The following SLC16A8 variants were observed in gnomAD, a reference collection of about 807,000 sequenced individuals.
SLC16A8 encodes monocarboxylate transporter 3.
SLC16A8 carries 20 observed loss-of-function variants against 22.4 expected under a neutral mutation model. That is an observed-to-expected ratio of 0.89 (90% CI 0.63 to 1.30). The LOEUF (loss-of-function observed/expected upper bound fraction) is 1.30. SLC16A8 is among the 50% of genes most tolerant of loss of function. The pLI is 0.00. For missense variants in SLC16A8, 817 were observed against 740.3 expected, an observed-to-expected ratio of 1.10 and a Z score of -1.20; for synonymous variants, 393 against 358.8, an observed-to-expected ratio of 1.10 and a Z score of -1.08.
At position 38,081,479 on chromosome 22, in the gene SLC16A8, A is replaced by C; in HGVS notation, c.559T>G (p.Cys187Gly). The C allele has an allele frequency of 2.9e-6, 4 of 1,356,792 alleles. No homozygotes were observed. In the South Asian group the frequency reaches 7.4e-5, roughly 25 times the overall value. The allele number at this position is 1,356,792 out of a possible 1,614,324, so 84.0% of individuals were successfully genotyped here. A position where few individuals can be genotyped will look rare whatever the true frequency, so the allele number is the denominator to read the frequency against. ...CTCATGACAGCCCCGCAGGCGCAGC[A>C]GTGCAGCAGGAGCCCGCCGAGCAGC... ...FLLLGGLLLH[C>G]CACGAVMRPP... Residue 187 changes from cysteine (C) to glycine (G), a missense_variant, in exon 5 of 6, where the codon TGC becomes GGC. Transcript: ENST00000681075.
rs753951617 is a variant in SLC16A8 at position 38,080,821 on chromosome 22, C to G, written c.1198+19G>C. ...TAAGGGGCACTAGGCTCGCCACCCC[C>G]TCTTCCTTCGGGGCGCACCGGCAGA... On this transcript the variant is annotated intron_variant, in intron 5 of 5. Coordinates refer to ENST00000681075, the MANE Select transcript of SLC16A8 (RefSeq NM_013356.3). 12 of 1,471,922 alleles carry G rather than the reference C, an allele frequency of 8.2e-6. No homozygotes were observed. Among genetic ancestry groups the G allele is most frequent in the South Asian group, 1.4e-5 (1 of 73,092 alleles). The allele number at this position is 1,471,922 out of a possible 1,614,324, so 91.2% of individuals were successfully genotyped here.
intron 5 of SLC16A8, among the ~76,000 whole-genome samples, chr22:38,080,198 T>TC (rs66715445): frequency 0.045 from 6,905 of 151,840 alleles, 466 homozygotes; most frequent in African/African-American, 0.15. Flanking sequence ...AGGACGCTGT[T>TC]CCCCCCCAAC....
Position 38,078,301 on chromosome 22 carries a change from C to A in SLC16A8, c.*87G>T. On this transcript the variant is annotated 3_prime_UTR_variant, in exon 6 of 6. Transcript: ENST00000681075. ...ACGTGGACCCCGGGAGTGACCACCC[C>A]AGACCAGCCTCCCAGCGTACCAGGC... 7.3e-7 allele frequency: 1 copy of A among 1,365,398 alleles called. No individual in the cohort carries two copies. The allele number at this position is 1,365,398 out of a possible 1,614,324, so 84.6% of individuals were successfully genotyped here.
intron 2 of SLC16A8, 32 bp from the exon 3 acceptor site, chr22:38,082,913 G>A (rs997973417): frequency 1.6e-6 from 2 of 1,267,144 alleles, no homozygotes; most frequent in South Asian, 2.7e-5. Context: ...AAGAGGGAGG[G>A]GCTGGGCCAG....
chr22:38,081,579 G>A lies in SLC16A8; in HGVS notation c.459C>T (p.Ser153=), dbSNP rs1167772284. The A allele has an allele frequency of 6.6e-7, 1 of 1,512,636 alleles. No individual in the cohort carries two copies. The highest frequency in any genetic ancestry group is 1.2e-5 in the South Asian group (1 of 81,936). 93.7% of individuals were successfully genotyped at this position (1,512,636 alleles called of 1,614,324 possible). The change falls in exon 5 of 6, where the codon AGC becomes AGT. Residue 153 remains serine, a synonymous_variant. Transcript: ENST00000681075. ...PLANGLAAAG[S]PVFLSALSPL... The stretch of plus-strand genomic sequence containing the variant: ...GCGACAGCGCGGACAGGAACACGGG[G>A]CTGCCCGCCGCCGCCAGCCCGTTGG...
intron 5 of SLC16A8, among the ~76,000 whole-genome samples, 168 bp downstream of exon 5, chr22:38,080,672 A>G (rs1290278092): frequency 6.6e-6 from 1 of 152,182 alleles, no homozygotes; most frequent in African/African-American, 2.4e-5. Context: ...CCTCACCCAG[A>G]GCGGGCGGTC....
Position 38,081,900 on chromosome 22 carries a change from C to G in SLC16A8, c.347G>C (p.Gly116Ala). ...TRLLELYLTA[G>A]VLTGLGLALN... ...CAGGGGGCCCTCACCTGTGAGCACC[C>G]CAGCGGTCAGGTAGAGCTCCAGGAG... Residue 116 changes from glycine (G) to alanine (A), a missense_variant, in exon 4 of 6, where the codon GGG becomes GCG. Coordinates refer to ENST00000681075, the MANE Select transcript of SLC16A8 (RefSeq NM_013356.3). 6.3e-7 allele frequency: 1 copy of G among 1,593,034 alleles called. No individual in the cohort carries two copies. The highest frequency in any genetic ancestry group is 8.5e-7 in the Non-Finnish European group (1 of 1,170,484).
chr22:38,081,011 AGGAGCGCG>A lies in SLC16A8; in HGVS notation c.1019_1026del (p.Ala340ValfsTer68). The A allele has an allele frequency of 6.3e-7, 1 of 1,598,060 alleles. No homozygotes were observed. Among genetic ancestry groups the A allele is most frequent in the Non-Finnish European group, 8.5e-7 (1 of 1,177,790 alleles). On this transcript the variant is annotated frameshift_variant, in exon 5 of 6. Transcript: ENST00000681075. LOFTEE classifies it high-confidence loss of function. ...ACGCAGAAGGCGACGAGGGCGCCGTAGGAGCGCGCGCGTGCGCTGCTCAGGTCTGTGAG... is the reference window on the plus strand; with the variant it reads ...ACGCAGAAGGCGACGAGGGCGCCGTACGCGTGCGCTGCTCAGGTCTGTGAG...
intron 4 of SLC16A8, 70 bp downstream of exon 4, chr22:38,081,819 C>G (rs1456680235): frequency 6.6e-7 from 1 of 1,518,404 alleles, no homozygotes; most frequent in Non-Finnish European, 8.8e-7. Context: ...CATAGGGAAA[C>G]CGAGGACAGA....
Position 38,081,473 on chromosome 22 carries a change from CGCAGCAGT to C in SLC16A8, c.557_564del (p.His186ArgfsTer35), listed in dbSNP as rs1201622435. The C allele has an allele frequency of 1.5e-6, 2 of 1,343,752 alleles. No individual in the cohort carries two copies. The highest frequency in any genetic ancestry group is 1.9e-6 in the Non-Finnish European group (2 of 1,057,636). The allele number at this position is 1,343,752 out of a possible 1,614,324, so 83.2% of individuals were successfully genotyped here. ...GGCGGCCTCATGACAGCCCCGCAGG[CGCAGCAGT>C]GCAGCAGGAGCCCGCCGAGCAGCAG... On this transcript the variant is annotated frameshift_variant, in exon 5 of 6. Transcript: ENST00000681075. LOFTEE classifies it high-confidence loss of function.
Position 38,081,586 on chromosome 22 carries a change from G to A in SLC16A8, c.452C>T (p.Ala151Val). 3 of 1,511,964 alleles carry A rather than the reference G, an allele frequency of 2.0e-6. No homozygotes were observed. Among genetic ancestry groups the A allele is most frequent in the Non-Finnish European group, 2.6e-6 (3 of 1,137,824 alleles). 93.7% of individuals were successfully genotyped at this position (1,511,964 alleles called of 1,614,324 possible). ...RRPLANGLAA[A>V]GSPVFLSALS... ...CGCGGACAGGAACACGGGGCTGCCCGCCGCCGCCAGCCCGTTGGCCAGAGG... is the reference window on the plus strand; with the variant it reads ...CGCGGACAGGAACACGGGGCTGCCCACCGCCGCCAGCCCGTTGGCCAGAGG... The change falls in exon 5 of 6, where the codon GCG (alanine) becomes GTG (valine). Residue 151 changes from alanine to valine, a missense_variant. Physicochemically the swap from Ala to Val is moderately conservative, Grantham distance 64. Transcript: ENST00000681075.
intron 1 of SLC16A8, among the ~76,000 whole-genome samples, chr22:38,083,773 G>A (rs990560690): frequency 1.3e-4 from 12 of 89,616 alleles, no homozygotes; most frequent in African/African-American, 2.6e-4. Context: ...GGTGCACCAG[G>A]AGCCGGGGGC....
chr22:38,081,480 G>A lies in SLC16A8; in HGVS notation c.558C>T (p.His186=). 2.2e-6 allele frequency: 3 copies of A among 1,391,700 alleles called. No homozygotes were observed. The highest frequency in any genetic ancestry group is 2.8e-6 in the Non-Finnish European group (3 of 1,086,080). 86.2% of individuals were successfully genotyped at this position (1,391,700 alleles called of 1,614,324 possible). A position where few individuals can be genotyped will look rare whatever the true frequency, so the allele number is the denominator to read the frequency against. Residue 186 remains histidine (H), a synonymous_variant, in exon 5 of 6, where the codon CAC becomes CAT. Transcript: ENST00000681075. ...TCATGACAGCCCCGCAGGCGCAGCA[G>A]TGCAGCAGGAGCCCGCCGAGCAGCA... ...GFLLLGGLLL[H]CCACGAVMRP...
At position 38,082,720 on chromosome 22, in the gene SLC16A8, C is replaced by A. The variant is rs1332378841; in HGVS notation, c.154G>T (p.Ala52Ser). ...FFRALMRDFD[A>S]GYSDTAWVSS... is the part of the protein sequence containing the mutation. ...ACCCAGGCCGTGTCGCTGTAGCCGG[C>A]GTCGAAGTCGCGCATGAGCGCGCGG... The change falls in exon 3 of 6, where the codon GCC becomes TCC. Residue 52 changes from alanine to serine, a missense_variant. Physicochemically the swap from Ala to Ser is moderately conservative, Grantham distance 99 (BLOSUM62 1). Coordinates refer to ENST00000681075, the MANE Select transcript of SLC16A8 (RefSeq NM_013356.3). The A allele has an allele frequency of 6.3e-7, 1 of 1,591,412 alleles. No individual in the cohort carries two copies.
Position 38,083,214 on chromosome 22 carries a change from G to A in SLC16A8, c.-181C>T. On this transcript the variant is annotated 5_prime_UTR_variant, in exon 2 of 6. Coordinates refer to ENST00000681075, the MANE Select transcript of SLC16A8 (RefSeq NM_013356.3). ...GTATGTGCCTGGAGGTGGGCGTCCA[G>A]CACCAAAGTCGCCCCGTACGCGTGA... The A allele has an allele frequency of 3.0e-6, 1 of 332,202 alleles. No homozygotes were observed. Among genetic ancestry groups the A allele is most frequent in the Non-Finnish European group, 5.5e-6 (1 of 180,220 alleles). 20.6% of individuals were successfully genotyped at this position (332,202 alleles called of 1,614,324 possible). A position where few individuals can be genotyped will look rare whatever the true frequency, so the allele number is the denominator to read the frequency against.
chr22:38,083,296 G>T lies in SLC16A8; in HGVS notation c.-263C>A, dbSNP rs984818646. 1 of 195,798 alleles carries T rather than the reference G, an allele frequency of 5.1e-6. No homozygotes were observed. The highest frequency in any genetic ancestry group is 2.3e-5 in the African/African-American group (1 of 42,878). 12.1% of individuals were successfully genotyped at this position (195,798 alleles called of 1,614,324 possible). A position where few individuals can be genotyped will look rare whatever the true frequency, so the allele number is the denominator to read the frequency against. ...GGGCAGATGCCGGCTGCAAAGGGCCGCTGTGCGTGATTTTCCTCTTTAGCC... is the reference window on the plus strand; with the variant it reads ...GGGCAGATGCCGGCTGCAAAGGGCCTCTGTGCGTGATTTTCCTCTTTAGCC... On this transcript the variant is annotated 5_prime_UTR_variant, in exon 2 of 6. Transcript: ENST00000681075.
Position 38,078,570 on chromosome 22 carries a change from G to A in SLC16A8, c.1333C>T (p.Pro445Ser), listed in dbSNP as rs1049188249. 1 of 1,614,158 alleles carries A rather than the reference G, an allele frequency of 6.2e-7. No homozygotes were observed. The highest frequency in any genetic ancestry group is 1.1e-5 in the South Asian group (1 of 91,080). ...TCACTGGCTCCGCCCTCAGTGCCTG[G>A]GCCTGACGGGGCAGCTTTAGCACAA... Reference protein sequence around the residue: ...LRCAKAAPSGPGTEGGASDTE... With the variant: ...LRCAKAAPSGSGTEGGASDTE... The change falls in exon 6 of 6, where the codon CCA (proline) becomes TCA (serine). Residue 445 changes from proline (P) to serine (S), a missense_variant. Pro to Ser is a moderately conservative substitution (Grantham distance 74). Coordinates refer to ENST00000681075, the MANE Select transcript of SLC16A8 (RefSeq NM_013356.3).
chr22:38,080,828 T>C lies in SLC16A8; in HGVS notation c.1198+12A>G. On this transcript the variant is annotated intron_variant, in intron 5 of 5. Transcript: ENST00000681075. ...CACTAGGCTCGCCACCCCCTCTTCCTTCGGGGCGCACCGGCAGAGGGCGGT... is the reference window on the plus strand; with the variant it reads ...CACTAGGCTCGCCACCCCCTCTTCCCTCGGGGCGCACCGGCAGAGGGCGGT... 6.8e-7 allele frequency: 1 copy of C among 1,479,162 alleles called. No homozygotes were observed. 91.6% of individuals were successfully genotyped at this position (1,479,162 alleles called of 1,614,324 possible).
chr22:38,082,013 G>A lies in SLC16A8; in HGVS notation c.234C>T (p.Leu78=). Residue 78 remains leucine (L), a synonymous_variant, in exon 4 of 6, where the codon CTC becomes CTT. Coordinates refer to ENST00000681075, the MANE Select transcript of SLC16A8 (RefSeq NM_013356.3). ...LYGTGPVSSI[L]VTRFGCRPVM... ...CCGGGCGACAGCCAAAGCGGGTCAC[G>A]AGGATGCTGGACACGGGGCCTGTGG... The A allele has an allele frequency of 6.3e-7, 1 of 1,578,816 alleles. No individual in the cohort carries two copies. Among genetic ancestry groups the A allele is most frequent in the Non-Finnish European group, 8.6e-7 (1 of 1,162,842 alleles).
Sources: allele counts gnomAD v4.1 joint callset (sites outside exome capture counted in the v4.1 genomes callset), GRCh38; gene constraint gnomAD v4.1.1; transcripts MANE v1.5; gene names NCBI Gene and HGNC (gene_info 2026-07-23, HGNC 2026-07-21).